ADAMTS19: variants seen among roughly 807,000 people sequenced by gnomAD.
The protein encoded by ADAMTS19 is A disintegrin and metalloproteinase with thrombospondin motifs 19.
Under a neutral mutation model 153.3 loss-of-function variants are expected in ADAMTS19, and 93 were observed. The ratio of observed to expected loss-of-function variants is 0.61; its 90% CI spans 0.51 to 0.72. ADAMTS19 has a LOEUF of 0.72. Among genes scored for constraint, ADAMTS19 ranks in the 30% least tolerant of loss-of-function variants. The pLI is 0.00. For missense variants in ADAMTS19, 1,482 were observed against 1,552.1 expected (o/e 0.95, Z 0.76); for synonymous variants, 600 against 556.6 (o/e 1.08, Z -1.10).
At chr5:129,616,222 A>G (rs1751518373) in intron 8 of ADAMTS19, among the ~76,000 whole-genome samples, 1 of 152,014 alleles carries the variant, frequency 6.6e-6, no homozygotes, top group African/African-American at 2.4e-5. Context: ...GTGAAATTAT[A>G]TAGACTTAGA....
chr5:129,586,735 T>G (rs1192599437), intron 7 of ADAMTS19, among the ~76,000 whole-genome samples: 1 of 152,232 alleles, frequency 6.6e-6, no homozygotes, highest in Middle Eastern at 3.2e-3. Flanking sequence ...CCAAACTACC[T>G]TCCAATGTGG....
At chr5:129,635,223 G>A (rs1471541051) in intron 10 of ADAMTS19, among the ~76,000 whole-genome samples, 2 of 152,170 alleles carry the variant, frequency 1.3e-5, no homozygotes, top group African/African-American at 4.8e-5. Flanking sequence ...TCTCACACTA[G>A]TCAGAATGGC....
chr5:129,689,924 G>A (rs1409368869), intron 18 of ADAMTS19, among the ~76,000 whole-genome samples: 1 of 151,962 alleles, frequency 6.6e-6, no homozygotes, highest in Non-Finnish European at 1.5e-5. Flanking sequence ...TAATACCTAA[G>A]CGATAATCCA....
At chr5:129,727,356 T>C (rs60222352) in intron 21 of ADAMTS19, among the ~76,000 whole-genome samples, 8,374 of 152,256 alleles carry the variant, frequency 0.055, 352 homozygotes, top group African/African-American at 0.12. Flanking sequence ...ATCATGCATA[T>C]GAATTGTCCT....
intron 14 of ADAMTS19, among the ~76,000 whole-genome samples, chr5:129,655,482 C>T (rs1753507193): frequency 6.6e-6 from 1 of 152,190 alleles, no homozygotes; most frequent in Non-Finnish European, 1.5e-5. Flanking sequence ...CTTTAGGAAA[C>T]TGTTAACTGG....
At chr5:129,566,871 G>A (rs769774728) in intron 7 of ADAMTS19, among the ~76,000 whole-genome samples, 2 of 152,140 alleles carry the variant, frequency 1.3e-5, no homozygotes, top group South Asian at 2.1e-4. Flanking sequence ...TGGGGTAGAC[G>A]CCATTGCTTC....
At chr5:129,611,249 T>G (rs1488620638) in intron 8 of ADAMTS19, among the ~76,000 whole-genome samples, 3 of 152,076 alleles carry the variant, frequency 2.0e-5, no homozygotes, top group Non-Finnish European at 4.4e-5. Flanking sequence ...GCCTGTCCAC[T>G]CTGATGGTAG....
intron 19 of ADAMTS19, among the ~76,000 whole-genome samples, chr5:129,698,321 G>A (rs377751358): frequency 5.9e-5 from 9 of 152,154 alleles, no homozygotes; most frequent in Non-Finnish European, 1.3e-4. Flanking sequence ...AAGACTTACT[G>A]GAAGAGTACA....
At chr5:129,654,487 C>T (rs910134462) in intron 14 of ADAMTS19, 54 bp downstream of exon 14, 16 of 1,572,324 alleles carry the variant, frequency 1.0e-5, no homozygotes, top group South Asian at 5.8e-5. Context: ...AATTGTGGGA[C>T]CACTGAGCAG....
Position 129,694,824 on chromosome 5 carries a change from C to T in ADAMTS19, c.2923C>T (p.Arg975Ter), listed in dbSNP as rs780852099. 6.3e-6 allele frequency: 10 copies of T among 1,594,326 alleles called. No individual in the cohort carries two copies. Among genetic ancestry groups the T allele is most frequent in the South Asian group, 1.1e-5 (1 of 87,952 alleles). The change falls in exon 19 of 23, where the codon CGA (arginine) becomes TGA (stop). Residue 975 changes from arginine (R) to a stop codon, truncating the protein, a stop_gained. Coordinates refer to ENST00000274487, the MANE Select transcript of ADAMTS19 (RefSeq NM_133638.6). LOFTEE classifies it high-confidence loss of function. ...CTTAACCAAGCCAGAGCCACAGATT[C>T]GAAAGTGCAATGAGCAACCATGTCA... ...KYLTKPEPQI[R>*]KCNEQPCQTR...
At chr5:129,647,214 G>GAAAAAAAAAAAAA (rs34958335) in intron 11 of ADAMTS19, among the ~76,000 whole-genome samples, 1 of 102,306 alleles carries the variant, frequency 9.8e-6, no homozygotes, top group Non-Finnish European at 2.1e-5. Context: ...AATTCTTTCA[G>GAAAAAAAAAAAAA]AAAAAAAAAA....
chr5:129,596,991 A>G (rs956302962), intron 8 of ADAMTS19, among the ~76,000 whole-genome samples: 3 of 152,180 alleles, frequency 2.0e-5, no homozygotes, highest in African/African-American at 7.2e-5. Flanking sequence ...AAACTTTTCA[A>G]ACGCTTAGTA....
chr5:129,610,650 T>C (rs918713711), intron 8 of ADAMTS19, among the ~76,000 whole-genome samples: 1 of 152,196 alleles, frequency 6.6e-6, no homozygotes, highest in Non-Finnish European at 1.5e-5. Context: ...TAGTATTCCA[T>C]GGTGTATATG....
intron 8 of ADAMTS19, among the ~76,000 whole-genome samples, chr5:129,608,116 G>GTGTGTATA (rs377008786): frequency 0.02 from 961 of 47,922 alleles, 38 homozygotes; most frequent in African/African-American, 0.047. Flanking sequence ...GTGTGTGTGT[G>GTGTGTATA]TATATATATA....
intron 16 of ADAMTS19, among the ~76,000 whole-genome samples, chr5:129,679,136 T>A (rs1431719071): frequency 6.6e-6 from 1 of 152,174 alleles, no homozygotes; most frequent in African/African-American, 2.4e-5. Context: ...TTCTGTAAAA[T>A]CCTATATAGA....
chr5:129,588,547 T>G (rs1285685940), intron 7 of ADAMTS19, among the ~76,000 whole-genome samples: 1 of 152,026 alleles, frequency 6.6e-6, no homozygotes, highest in Non-Finnish European at 1.5e-5. Flanking sequence ...GATCAGTTAT[T>G]GATACTAGTT....
intron 10 of ADAMTS19, among the ~76,000 whole-genome samples, chr5:129,629,089 G>A (rs995533818): frequency 1.3e-5 from 2 of 151,956 alleles, no homozygotes; most frequent in African/African-American, 4.8e-5. Context: ...TCTCCTATAT[G>A]GTAAGCTCCT....
intron 7 of ADAMTS19, among the ~76,000 whole-genome samples, chr5:129,577,619 G>A (rs1749206785): frequency 6.6e-6 from 1 of 152,146 alleles, no homozygotes; most frequent in African/African-American, 2.4e-5. Flanking sequence ...GTGAAATCCA[G>A]TCAAGAGGTC....
rs548853468 is a variant in ADAMTS19 at position 129,596,490 on chromosome 5, T to C, written c.1373-69T>C. On this transcript the variant is annotated intron_variant, in intron 7 of 22. Transcript: ENST00000274487. ...TGACAACTGCCATTTTCATTCCTGC[T>C]GCTAATAACTAGTATAAATATTTGC... 282 of 1,041,202 alleles carry C rather than the reference T, an allele frequency of 2.7e-4. 4 individuals are homozygous for C. In the South Asian group the frequency reaches 3.7e-3, roughly 14 times the overall value. The allele number at this position is 1,041,202 out of a possible 1,614,324, so 64.5% of individuals were successfully genotyped here.
Sources: gnomAD v4.1 joint callset for allele counts (sites outside exome capture counted in the v4.1 genomes callset) on GRCh38, gnomAD v4.1.1 for gene constraint, MANE v1.5 for transcripts, NCBI Gene and HGNC (gene_info 2026-07-23, HGNC 2026-07-21) for gene names.